DNAH8: variants seen among roughly 807,000 people sequenced by gnomAD.
DNAH8 encodes axonemal beta dynein heavy chain 8.
DNAH8 carries 382 observed loss-of-function variants against 562.1 expected under a neutral mutation model. The observed-to-expected ratio is 0.68, with a 90% CI of 0.63 to 0.74. DNAH8 has a LOEUF of 0.74. DNAH8 is among the 30% of genes least tolerant of loss of function. The probability of loss-of-function intolerance (pLI) is 0.00; values close to 1 mark genes in which losing one functional copy is unlikely to be tolerated. For missense variants in DNAH8, 5,203 were observed against 5,620.4 expected, an observed-to-expected ratio of 0.93 and a Z score of 2.37; for synonymous variants, 1,881 against 1,919.4, an observed-to-expected ratio of 0.98 and a Z score of 0.52.
intron 82 of DNAH8, among the ~76,000 whole-genome samples, chr6:38,956,765 C>T (rs1281454069): frequency 6.6e-6 from 1 of 152,098 alleles, no homozygotes. Context: ...AAAGCAAAAA[C>T]CTATATTAGA....
At chr6:38,924,367 C>A (rs1235496173) in intron 73 of DNAH8, among the ~76,000 whole-genome samples, 1 of 151,918 alleles carries the variant, frequency 6.6e-6, no homozygotes, top group Non-Finnish European at 1.5e-5. Flanking sequence ...CAAAAGTTAG[C>A]CGGGCATGAT....
chr6:38,948,393 C>T (rs1404804397), intron 80 of DNAH8, among the ~76,000 whole-genome samples: 1 of 152,066 alleles, frequency 6.6e-6, no homozygotes, highest in Non-Finnish European at 1.5e-5. Flanking sequence ...AGCTGGAGTG[C>T]AATGGCACAA....
chr6:38,874,036 T>G, intron 52 of DNAH8, among the ~76,000 whole-genome samples: 1 of 52,766 alleles, frequency 1.9e-5, no homozygotes, highest in Middle Eastern at 0.01. Flanking sequence ...CTTTTTCTTT[T>G]CTTTTCTTTC....
intron 76 of DNAH8, among the ~76,000 whole-genome samples, chr6:38,934,970 A>C (rs1011548316): frequency 2.0e-5 from 3 of 152,244 alleles, no homozygotes; most frequent in African/African-American, 7.2e-5. Flanking sequence ...TGAATGCTTG[A>C]AATTTTTTCA....
At chr6:38,871,961 C>T (rs1777502918) in intron 49 of DNAH8, among the ~76,000 whole-genome samples, 1 of 152,186 alleles carries the variant, frequency 6.6e-6, no homozygotes, top group East Asian at 1.9e-4. Flanking sequence ...CAAGTCTGTC[C>T]TCTACAGGGC....
rs528268883 is a variant in DNAH8 at position 38,810,547 on chromosome 6, G to C, written c.3257+2831G>C. Among the ~76,000 whole-genome samples the C allele has an allele frequency of 3.3e-4, 50 of 152,012 alleles. 1 individual carries two copies. In the South Asian group the frequency reaches 5.8e-3, roughly 18 times the overall value. On this transcript the variant is annotated intron_variant, in intron 24 of 92. Transcript: ENST00000327475. ...GTGGAGGTTGCAGTGAGTCAAGACTGTGCCATTGCATTCCAGCCTGGGCAA... is the reference window on the plus strand; with the variant it reads ...GTGGAGGTTGCAGTGAGTCAAGACTCTGCCATTGCATTCCAGCCTGGGCAA...
At chr6:39,022,036 C>T (rs529705422) in intron 91 of DNAH8, among the ~76,000 whole-genome samples, 1 of 152,290 alleles carries the variant, frequency 6.6e-6, no homozygotes, top group Admixed American at 6.5e-5. Flanking sequence ...GGACACATAA[C>T]AAGTGTTACT....
At position 38,822,896 on chromosome 6, in the gene DNAH8, G is replaced by T; in HGVS notation, c.3582G>T (p.Ala1194=). The T allele has an allele frequency of 6.2e-7, 1 of 1,609,234 alleles. No individual in the cohort carries two copies. The highest frequency in any genetic ancestry group is 8.5e-7 in the Non-Finnish European group (1 of 1,178,846). The change falls in exon 27 of 93, where the codon GCG becomes GCT. Residue 1194 remains alanine, a synonymous_variant. Coordinates refer to ENST00000327475, the MANE Select transcript of DNAH8 (RefSeq NM_001206927.2). ...RKLKNFYPGV[A]EHKDISKLVL... is the part of the protein sequence containing the mutation. The stretch of plus-strand genomic sequence containing the variant: ...TGAAGAATTTTTACCCGGGGGTAGC[G>T]GAGCACAAGGATATTTCTAAGTTGG...
At chr6:38,857,210 A>G (rs1276971338) in intron 41 of DNAH8, among the ~76,000 whole-genome samples, 1 of 152,202 alleles carries the variant, frequency 6.6e-6, no homozygotes, top group Non-Finnish European at 1.5e-5. Flanking sequence ...TTTCTTGAGA[A>G]AGAAAAATCG....
chr6:38,930,688 C>T (rs1033359788), intron 75 of DNAH8, among the ~76,000 whole-genome samples: 1 of 152,084 alleles, frequency 6.6e-6, no homozygotes, highest in African/African-American at 2.4e-5. Context: ...ATGGACTCAT[C>T]CACAATTTTG....
At chr6:38,844,732 A>G (rs1335918685) in intron 35 of DNAH8, among the ~76,000 whole-genome samples, 1 of 152,138 alleles carries the variant, frequency 6.6e-6, no homozygotes, top group African/African-American at 2.4e-5. Flanking sequence ...CATTAGCCAA[A>G]TTAGATTCCT....
intron 74 of DNAH8, 119 bp downstream of exon 74, chr6:38,926,329 C>A: frequency 8.6e-7 from 1 of 1,157,938 alleles, no homozygotes; most frequent in Non-Finnish European, 1.2e-6. Flanking sequence ...CTAATTCACA[C>A]TCTTGAGTTT....
chr6:38,840,201 T>C (rs1440350875), intron 33 of DNAH8, among the ~76,000 whole-genome samples: 1 of 152,230 alleles, frequency 6.6e-6, no homozygotes. Context: ...TGACTTTTCT[T>C]GCACTTGCAT....
At chr6:38,725,496 A>G (rs1763144792) in intron 3 of DNAH8, among the ~76,000 whole-genome samples, 1 of 152,070 alleles carries the variant, frequency 6.6e-6, no homozygotes, top group Non-Finnish European at 1.5e-5. Flanking sequence ...TAGCTGTAAC[A>G]GTGAGATGGG....
Position 38,923,117 on chromosome 6 carries a change from C to G in DNAH8, c.10722C>G (p.Ile3574Met). ...AGATGCAGGCCGCCTCCACTCTCATCGATGGGCTGAGTGGAGAAAAAATCC... is the reference window on the plus strand; with the variant it reads ...AGATGCAGGCCGCCTCCACTCTCATGGATGGGCTGAGTGGAGAAAAAATCC... ...RKKMQAASTL[I>M]DGLSGEKIRW... The change falls in exon 72 of 93, where the codon ATC becomes ATG. Residue 3574 changes from isoleucine (I) to methionine (M), a missense_variant. By Grantham distance (10) the Ile-to-Met change is conservative (BLOSUM62 1). Coordinates refer to ENST00000327475, the MANE Select transcript of DNAH8 (RefSeq NM_001206927.2). 1.2e-6 allele frequency: 2 copies of G among 1,613,744 alleles called. No homozygotes were observed. Among genetic ancestry groups the G allele is most frequent in the Non-Finnish European group, 1.7e-6 (2 of 1,179,826 alleles).
At chr6:38,905,891 T>TG (rs201382514) in intron 62 of DNAH8, among the ~76,000 whole-genome samples, 2,028 of 152,176 alleles carry the variant, frequency 0.013, 42 homozygotes, top group African/African-American at 0.046. Context: ...TATGGTTTTT[T>TG]TTGTTGTTGT....
At chr6:38,964,852 A>G (rs1460710549) in intron 82 of DNAH8, among the ~76,000 whole-genome samples, 1 of 152,134 alleles carries the variant, frequency 6.6e-6, no homozygotes, top group East Asian at 1.9e-4. Context: ...ATTTGAGGTC[A>G]GGAGTTTGAG....
chr6:38,894,048 G>A (rs1019045033), intron 58 of DNAH8, among the ~76,000 whole-genome samples: 4 of 152,252 alleles, frequency 2.6e-5, no homozygotes, highest in African/African-American at 9.6e-5. Context: ...ATATAATACA[G>A]TCTTTGTGCT....
Position 38,870,376 on chromosome 6 carries a change from T to G in DNAH8, c.6829-25T>G, listed in dbSNP as rs1777373697. On this transcript the variant is annotated intron_variant, in intron 48 of 92. Transcript: ENST00000327475. ...AATGTTTGTTGACTGAATGAGTAAATTTATTTTAAACTATGCCACCTTAGG... is the reference window on the plus strand; with the variant it reads ...AATGTTTGTTGACTGAATGAGTAAAGTTATTTTAAACTATGCCACCTTAGG... The G allele has an allele frequency of 1.9e-6, 3 of 1,604,370 alleles. No individual in the cohort carries two copies. In the South Asian group the frequency reaches 3.3e-5, roughly 18 times the overall value.
Sources: allele counts gnomAD v4.1 joint callset (sites outside exome capture counted in the v4.1 genomes callset), GRCh38; gene constraint gnomAD v4.1.1; transcripts MANE v1.5; gene names NCBI Gene and HGNC (gene_info 2026-07-23, HGNC 2026-07-21).